GREB1: variants seen among roughly 807,000 people sequenced by gnomAD.
The protein encoded by GREB1 is growth regulating estrogen receptor binding 1.
In GREB1, 106 loss-of-function variants were observed where a neutral mutation model predicts 200.7. That is an observed-to-expected ratio of 0.53 (90% CI 0.45 to 0.62). The LOEUF (loss-of-function observed/expected upper bound fraction) is 0.62, where lower values mean the gene tolerates loss of function less well. Ranked by LOEUF, GREB1 falls within the 20% of genes least tolerant of loss-of-function variation. The pLI, the probability that GREB1 is intolerant of heterozygous loss-of-function variation, is 0.00. For missense variants in GREB1, 2,243 were observed against 2,556.8 expected (o/e 0.88, Z 2.65); for synonymous variants, 1,132 against 1,092.4 (o/e 1.04, Z -0.72).
At chr2:11,545,002 A>ACAGG (rs1387547038) in intron 1 of GREB1, among the ~76,000 whole-genome samples, 3 of 151,602 alleles carry the variant, frequency 2.0e-5, no homozygotes, top group Non-Finnish European at 4.4e-5. Context: ...TTTGGTAGAG[A>ACAGG]CAGGGTTTCA....
At position 11,556,765 on chromosome 2, in the gene GREB1, C is replaced by T; in HGVS notation, c.151C>T (p.Leu51=). ...YLEAEQQLAA[L]EGGSRVDNEE... ...GGAAGCTGAGCAGCAGCTTGCCGCTCTAGAAGGTGGGAGACGCACGTTGCT... is the reference window on the plus strand; with the variant it reads ...GGAAGCTGAGCAGCAGCTTGCCGCTTTAGAAGGTGGGAGACGCACGTTGCT... Residue 51 remains leucine, a synonymous_variant, in exon 2 of 33, where the codon CTA becomes TTA. Coordinates refer to ENST00000381486, the MANE Select transcript of GREB1 (RefSeq NM_014668.4). 6.2e-7 allele frequency: 1 copy of T among 1,613,710 alleles called. No homozygotes were observed. The highest frequency in any genetic ancestry group is 8.5e-7 in the Non-Finnish European group (1 of 1,179,818).
intron 1 of GREB1, among the ~76,000 whole-genome samples, chr2:11,490,468 G>T (rs1287489467): frequency 6.6e-6 from 1 of 152,222 alleles, no homozygotes; most frequent in Non-Finnish European, 1.5e-5. Flanking sequence ...ACTGATGGAT[G>T]TTTGGGTTAT....
chr2:11,530,959 C>G (rs2148490191), upstream of GREB1, among the ~76,000 whole-genome samples: 1 of 152,198 alleles, frequency 6.6e-6, no homozygotes, highest in South Asian at 2.1e-4. Context: ...TCTCTCTGGC[C>G]AGAGAAGCCC....
rs11367888 is a variant in GREB1 at position 11,599,519 on chromosome 2, A to ATTTTT, written c.2333+673_2333+677dup. Among the ~76,000 whole-genome samples the ATTTTT allele has an allele frequency of 2.3e-3, 231 of 99,744 alleles. 6 individuals carry two copies. Among genetic ancestry groups the ATTTTT allele is most frequent in the African/African-American group, 9.3e-3 (216 of 23,158 alleles). The allele number at this position is 99,744 out of a possible 152,430, so 65.4% of individuals were successfully genotyped here. A position where few individuals can be genotyped will look rare whatever the true frequency, so the allele number is the denominator to read the frequency against. ...CACGCCCAGCTAATTTCGTTTTTGT[A>ATTTTT]TTTTTTTTTTTTTTTTTTGAGACAG... On this transcript the variant is annotated intron_variant, in intron 15 of 32. Transcript: ENST00000381486.
intron 1 of GREB1, among the ~76,000 whole-genome samples, chr2:11,549,545 A>G (rs182503109): frequency 2.6e-5 from 4 of 152,332 alleles, no homozygotes; most frequent in Admixed American, 2.6e-4. Context: ...CTTCAGCTTA[A>G]TGCTATAGTT....
chr2:11,523,796 C>T (rs1419335557), intron 1 of GREB1, among the ~76,000 whole-genome samples: 4 of 151,412 alleles, frequency 2.6e-5, no homozygotes, highest in South Asian at 2.1e-4. Flanking sequence ...TCTTTGCCCC[C>T]GGCTTACTGT....
intron 11 of GREB1, among the ~76,000 whole-genome samples, chr2:11,594,935 C>A (rs28689909): frequency 0.36 from 54,090 of 150,938 alleles, 9,832 homozygotes; most frequent in Admixed American, 0.45. Context: ...ACCTTGTGAT[C>A]TGCCTGCCTC....
intron 2 of GREB1, among the ~76,000 whole-genome samples, chr2:11,559,693 G>T (rs918852043): frequency 4.6e-5 from 7 of 152,114 alleles, no homozygotes; most frequent in African/African-American, 1.7e-4. Context: ...TTCTGTGTCC[G>T]ACATGGAGAC....
chr2:11,489,247 A>G (rs4669735), intron 1 of GREB1, among the ~76,000 whole-genome samples: 141,224 of 152,262 alleles, frequency 0.93, 66,444 homozygotes, highest in Non-Finnish European at 1. Context: ...GGGTTCGCAG[A>G]CCAGCCTGGC....
chr2:11,576,486 T>C lies in GREB1; in HGVS notation c.588T>C (p.Asn196=), dbSNP rs777729904. The change falls in exon 5 of 33, where the codon AAT becomes AAC. Residue 196 remains asparagine, a synonymous_variant. Transcript: ENST00000381486. ...ACTTGAAGTATTACCTGGTCCGTAA[T>C]GCACAAGGGACTCTAACCAAAGGAC... ...QKHLKYYLVR[N]AQGTLTKGPL... The C allele has an allele frequency of 1.9e-6, 3 of 1,613,942 alleles. No homozygotes were observed. Among genetic ancestry groups the C allele is most frequent in the Non-Finnish European group, 2.5e-6 (3 of 1,179,968 alleles).
Position 11,580,972 on chromosome 2 carries a change from A to C in GREB1, c.901+140A>C, listed in dbSNP as rs768117313. 2.9e-6 allele frequency: 3 copies of C among 1,046,930 alleles called. No homozygotes were observed. The highest frequency in any genetic ancestry group is 2.9e-6 in the Non-Finnish European group (2 of 683,844). 64.9% of individuals were successfully genotyped at this position (1,046,930 alleles called of 1,614,324 possible). On this transcript the variant is annotated intron_variant, in intron 7 of 32. Coordinates refer to ENST00000381486, the MANE Select transcript of GREB1 (RefSeq NM_014668.4). This position sits in a 1 kb window ranked among gnomAD's most constrained non-coding sequence, Gnocchi z 4.5. ...CTTCCATGAGAGTCAGGCCAGGACC[A>C]CAGGTGCCTCCTGAGTCCGTGGGTC...
intron 21 of GREB1, among the ~76,000 whole-genome samples, chr2:11,617,262 C>A (rs1018004729): frequency 3.3e-5 from 5 of 152,230 alleles, no homozygotes; most frequent in African/African-American, 1.2e-4. Flanking sequence ...CGAGAGTAGT[C>A]AGGATCCCGC....
chr2:11,596,873 G>A (rs1681311539), intron 13 of GREB1, among the ~76,000 whole-genome samples: 1 of 139,912 alleles, frequency 7.1e-6, no homozygotes, highest in South Asian at 2.5e-4. Flanking sequence ...TGAGAGGGGT[G>A]GGGGCACCGG....
chr2:11,618,192 G>A lies in GREB1; in HGVS notation c.3413-96G>A, dbSNP rs60265438. ...TGACTCCTGGGACAGGTCACTCCTG[G>A]GATGGGTGACTCCTGGGACAGGTCA... On this transcript the variant is annotated intron_variant, in intron 21 of 32. Coordinates refer to ENST00000381486, the MANE Select transcript of GREB1 (RefSeq NM_014668.4). 4.9e-4 allele frequency: 526 copies of A among 1,064,680 alleles called. 5 individuals carry two copies. In the East Asian group the frequency reaches 7.2e-3, roughly 14 times the overall value. 66.0% of individuals were successfully genotyped at this position (1,064,680 alleles called of 1,614,324 possible).
intron 1 of GREB1, among the ~76,000 whole-genome samples, chr2:11,496,518 C>A (rs554609984): frequency 2.7e-5 from 4 of 148,624 alleles, no homozygotes; most frequent in Admixed American, 1.3e-4. Flanking sequence ...CCACCCCGCC[C>A]GCCCCCCCGT....
At chr2:11,552,345 G>A (rs1479400023) in intron 1 of GREB1, among the ~76,000 whole-genome samples, 1 of 152,188 alleles carries the variant, frequency 6.6e-6, no homozygotes, top group Non-Finnish European at 1.5e-5. Flanking sequence ...CTGCAGCAGG[G>A]ATCTAGCAAA....
rs1347031418 is a variant in GREB1 at position 11,585,826 on chromosome 2, A to G, written c.1080A>G (p.Pro360=). The G allele has an allele frequency of 2.5e-6, 4 of 1,613,754 alleles. No individual in the cohort carries two copies. Among genetic ancestry groups the G allele is most frequent in the African/African-American group, 2.7e-5 (2 of 74,918 alleles). ...GLVGPASVTF[P]VVASGEPVSV... ...TGGGACCAGCTTCAGTCACCTTTCC[A>G]GTGGTGGCCTCTGGAGAACCAGTGT... Residue 360 remains proline, a synonymous_variant, in exon 9 of 33, where the codon CCA becomes CCG. Transcript: ENST00000381486.
At chr2:11,547,021 C>T (rs1257977442) in intron 1 of GREB1, among the ~76,000 whole-genome samples, 4 of 151,354 alleles carry the variant, frequency 2.6e-5, no homozygotes, top group East Asian at 1.9e-4. Flanking sequence ...TCTCGGCTCA[C>T]GCAATCTCTG....
rs549365214 is a variant in GREB1, at chr2:11,619,710, T to A, written c.4044+791T>A. Among the ~76,000 whole-genome samples, 3 of 152,312 alleles carry A rather than the reference T, an allele frequency of 2.0e-5. No homozygotes were observed. In the East Asian group the frequency reaches 5.8e-4, roughly 29 times the overall value. On this transcript the variant is annotated intron_variant, in intron 22 of 32. Coordinates refer to ENST00000381486, the MANE Select transcript of GREB1 (RefSeq NM_014668.4). ...GTCGTTGATACTTCTTTTTCAGTGA[T>A]TTTCTGGTTTCTCTTATTTGTTTTT... is the stretch of plus-strand genomic sequence containing the variant.
Sources: gnomAD v4.1 joint callset for allele counts (sites outside exome capture counted in the v4.1 genomes callset) on GRCh38, gnomAD v4.1.1 for gene constraint, Gnocchi (gnomAD v3.1) non-coding constraint, MANE v1.5 for transcripts, NCBI Gene and HGNC (gene_info 2026-07-23, HGNC 2026-07-21) for gene names.